Variants in PCDH9 observed in about 807,000 individuals in gnomAD.
The protein encoded by PCDH9 is protocadherin-9.
Under a neutral mutation model 70.6 loss-of-function variants are expected in PCDH9, and 24 were observed. The ratio of observed to expected loss-of-function variants is 0.34; its 90% CI spans 0.25 to 0.48. The LOEUF (loss-of-function observed/expected upper bound fraction) is 0.48, where lower values mean the gene tolerates loss of function less well. Ranked by LOEUF, PCDH9 falls within the 20% of genes least tolerant of loss-of-function variation. The pLI is 0.99. For missense variants in PCDH9, 1,281 were observed against 1,503.6 expected (o/e 0.85, Z 2.45); for synonymous variants, 562 against 558.5 (o/e 1.01, Z -0.09).
intron 2 of PCDH9, among the ~76,000 whole-genome samples, chr13:66,955,314 T>C (rs2083250254): frequency 6.6e-6 from 1 of 152,268 alleles, no homozygotes; most frequent in Non-Finnish European, 1.5e-5. Context: ...TATTAGAGCA[T>C]TAAAATTATG....
At chr13:66,316,292 T>C (rs1466112221) in intron 4 of PCDH9, among the ~76,000 whole-genome samples, 5 of 152,214 alleles carry the variant, frequency 3.3e-5, no homozygotes, top group African/African-American at 7.2e-5. Flanking sequence ...GGTAAACATA[T>C]TCACACATTC....
intron 3 of PCDH9, among the ~76,000 whole-genome samples, chr13:66,677,860 A>G (rs1347861255): frequency 6.6e-6 from 1 of 152,164 alleles, no homozygotes; most frequent in Non-Finnish European, 1.5e-5. Context: ...ATGGCCTAAT[A>G]CAGAAGCACA....
intron 2 of PCDH9, among the ~76,000 whole-genome samples, chr13:67,158,065 A>G (rs1284586580): frequency 2.0e-5 from 3 of 152,234 alleles, no homozygotes; most frequent in Non-Finnish European, 4.4e-5. Context: ...ACATTTTTAA[A>G]ACGAAGATAA....
At chr13:66,547,963 CTT>C (rs1961289925) in intron 4 of PCDH9, among the ~76,000 whole-genome samples, 1 of 147,204 alleles carries the variant, frequency 6.8e-6, no homozygotes, top group African/African-American at 2.5e-5. Flanking sequence ...AAATAGTAAA[CTT>C]AAAACAGTGA....
At chr13:66,659,553 T>TGTGTGTGTGTG (rs59132032) in intron 3 of PCDH9, among the ~76,000 whole-genome samples, 2,991 of 148,834 alleles carry the variant, frequency 0.02, 116 homozygotes, top group African/African-American at 0.065. Context: ...GTGTGTGTGT[T>TGTGTGTGTGTG]TGTGTGTGTT....
intron 4 of PCDH9, among the ~76,000 whole-genome samples, chr13:66,514,362 T>C (rs1959629270): frequency 6.6e-6 from 1 of 151,968 alleles, no homozygotes; most frequent in African/African-American, 2.4e-5. Flanking sequence ...TAAAATAAAA[T>C]TCATTCAGCA....
intron 2 of PCDH9, among the ~76,000 whole-genome samples, chr13:67,179,731 G>A (rs2088565696): frequency 6.6e-6 from 1 of 152,002 alleles, no homozygotes; most frequent in African/African-American, 2.4e-5. Context: ...GTAAATAAGG[G>A]TTGTTATTTT....
intron 2 of PCDH9, among the ~76,000 whole-genome samples, chr13:66,954,029 C>G (rs1006084518): frequency 1.3e-5 from 2 of 152,138 alleles, no homozygotes; most frequent in Admixed American, 6.5e-5. Flanking sequence ...TAAATTTATC[C>G]AGCGCAAAAT....
intron 4 of PCDH9, among the ~76,000 whole-genome samples, chr13:66,382,640 C>A (rs1956867680): frequency 6.6e-6 from 1 of 152,260 alleles, no homozygotes; most frequent in Non-Finnish European, 1.5e-5. Context: ...ATGAAGTGAA[C>A]ATTTATCAGA....
At chr13:67,168,460 G>A (rs1209238379) in intron 2 of PCDH9, among the ~76,000 whole-genome samples, 1 of 152,104 alleles carries the variant, frequency 6.6e-6, no homozygotes, top group Non-Finnish European at 1.5e-5. Context: ...ACGCACAGTG[G>A]CTCACACTTG....
At chr13:67,000,233 C>CA (rs1259158064) in intron 2 of PCDH9, among the ~76,000 whole-genome samples, 2 of 147,664 alleles carry the variant, frequency 1.4e-5, no homozygotes, top group Non-Finnish European at 3.0e-5. Flanking sequence ...ATCGCAGGGA[C>CA]AAAAAACCAA....
At chr13:67,042,620 GAT>G (rs2085143091) in intron 2 of PCDH9, among the ~76,000 whole-genome samples, 2 of 152,122 alleles carry the variant, frequency 1.3e-5, no homozygotes, top group African/African-American at 4.8e-5. Flanking sequence ...GTCATATACA[GAT>G]AGCTTCTACT....
At chr13:66,435,735 A>C (rs1957857423) in intron 4 of PCDH9, among the ~76,000 whole-genome samples, 1 of 152,254 alleles carries the variant, frequency 6.6e-6, no homozygotes, top group Admixed American at 6.5e-5. Flanking sequence ...GAACTATGAA[A>C]TGCTTCTGTT....
chr13:66,603,058 A>T (rs2077182012), intron 4 of PCDH9, among the ~76,000 whole-genome samples: 1 of 145,946 alleles, frequency 6.9e-6, no homozygotes, highest in Non-Finnish European at 1.5e-5. Context: ...ACTATGACCA[A>T]AATCATCTAA....
chr13:67,149,902 C>A (rs2138382140), intron 2 of PCDH9, among the ~76,000 whole-genome samples: 1 of 152,160 alleles, frequency 6.6e-6, no homozygotes, highest in Middle Eastern at 3.4e-3. Context: ...AAAACTAAGA[C>A]CCAAGGTTAC....
chr13:67,173,670 A>G (rs888670101), intron 2 of PCDH9, among the ~76,000 whole-genome samples: 5 of 152,230 alleles, frequency 3.3e-5, no homozygotes, highest in African/African-American at 1.2e-4. Flanking sequence ...TGACCCTGGA[A>G]AATAGGTTAG....
chr13:66,595,867 C>T (rs551090946), intron 4 of PCDH9, among the ~76,000 whole-genome samples: 3 of 151,348 alleles, frequency 2.0e-5, no homozygotes, highest in South Asian at 2.1e-4. Flanking sequence ...TAAACACCAG[C>T]GTAAAGTAAG....
At position 66,561,483 on chromosome 13, in the gene PCDH9, C is replaced by T. The variant is rs534207472; in HGVS notation, c.3340+69727G>A. On this transcript the variant is annotated intron_variant, in intron 4 of 4. Coordinates refer to ENST00000377865, the MANE Select transcript of PCDH9 (RefSeq NM_203487.3). Reference sequence around the variant, plus strand: ...GATCCACTGGGTGAAGCCAGCTGGGCTCCTGAGTCTGGTGGGAACTTGGAG... The same window carrying T: ...GATCCACTGGGTGAAGCCAGCTGGGTTCCTGAGTCTGGTGGGAACTTGGAG... Among the ~76,000 whole-genome samples, 12 of 152,334 alleles carry T rather than the reference C, an allele frequency of 7.9e-5. No individual in the cohort carries two copies. The East Asian group carries it at 1.4e-3, about 17-fold the overall frequency.
intron 2 of PCDH9, among the ~76,000 whole-genome samples, chr13:67,116,413 C>T (rs1268846286): frequency 6.6e-6 from 1 of 151,962 alleles, no homozygotes; most frequent in Non-Finnish European, 1.5e-5. Context: ...TGATTTTCCC[C>T]ACAACTTCAA....
Sources: gnomAD v4.1 joint callset for allele counts (sites outside exome capture counted in the v4.1 genomes callset) on GRCh38, gnomAD v4.1.1 for gene constraint, MANE v1.5 for transcripts, NCBI Gene and HGNC (gene_info 2026-07-23, HGNC 2026-07-21) for gene names.